Variants in DNAH17 observed in about 807,000 individuals in gnomAD.
DNAH17 encodes dynein axonemal heavy chain 17.
In DNAH17, 376 loss-of-function variants were observed where a neutral mutation model predicts 485.6. The observed-to-expected ratio is 0.77, with a 90% confidence interval of 0.71 to 0.84. The LOEUF is 0.84. Among genes scored for constraint, DNAH17 ranks in the 40% least tolerant of loss-of-function variants. The pLI is 0.00. For synonymous variants in DNAH17, 3,031 were observed against 2,405.9 expected (o/e 1.26, Z -7.60); for missense variants, 6,370 against 5,839.3 (o/e 1.09, Z -2.96).
chr17:78,493,219 G>A (rs550159820), intron 41 of DNAH17: 24 of 163,590 alleles, frequency 1.5e-4, no homozygotes, highest in Admixed American at 1.3e-3. Flanking sequence ...AGACACACAG[G>A]TGAGTTTACA....
intron 35 of DNAH17, 32 bp downstream of exon 35, chr17:78,501,152 G>A (rs750244587): frequency 6.5e-7 from 1 of 1,549,572 alleles, no homozygotes; most frequent in Non-Finnish European, 8.8e-7. Flanking sequence ...CCCACCAAGA[G>A]CACATGTGAG....
At chr17:78,515,146 T>C in intron 25 of DNAH17, 124 bp from the exon 26 acceptor site, 2 of 1,108,886 alleles carry the variant, frequency 1.8e-6, no homozygotes, top group Non-Finnish European at 2.6e-6. Flanking sequence ...TTAGAACTAA[T>C]ACCCGAGATC....
chr17:78,483,471 A>G (rs1055727643), intron 48 of DNAH17, among the ~76,000 whole-genome samples: 2 of 152,002 alleles, frequency 1.3e-5, no homozygotes, highest in African/African-American at 4.8e-5. Context: ...TTCTACTAAA[A>G]ATACAAAAAT....
At chr17:78,449,392 G>C (rs2087448785) in intron 69 of DNAH17, 22 bp downstream of exon 69, 2 of 1,539,470 alleles carry the variant, frequency 1.3e-6, no homozygotes, top group South Asian at 1.2e-5. Flanking sequence ...ACCACACTAG[G>C]AACAGTGAGG....
intron 13 of DNAH17, among the ~76,000 whole-genome samples, chr17:78,558,467 GGAT>G (rs2092076831): frequency 9.0e-6 from 1 of 111,498 alleles, no homozygotes; most frequent in African/African-American, 3.7e-5. Context: ...CCTCATGGGT[GGAT>G]GACATCACCC....
chr17:78,432,911 C>CCG (rs1555650526), intron 75 of DNAH17, among the ~76,000 whole-genome samples: 1 of 119,492 alleles, frequency 8.4e-6, no homozygotes, highest in African/African-American at 3.4e-5. Context: ...TGCCCCCCCC[C>CCG]CCCGACCCCG....
intron 36 of DNAH17, 32 bp from the exon 37 acceptor site, chr17:78,499,144 T>C: frequency 1.4e-6 from 2 of 1,476,408 alleles, no homozygotes; most frequent in South Asian, 1.3e-5. Context: ...AAGGAAGAGC[T>C]GGGAGGGTGA....
chr17:78,568,109 A>G (rs2092297474), intron 9 of DNAH17, among the ~76,000 whole-genome samples: 1 of 152,104 alleles, frequency 6.6e-6, no homozygotes, highest in East Asian at 1.9e-4. Flanking sequence ...ACAAGCTGGC[A>G]TGGCCTGTTG....
chr17:78,453,326 A>T lies in DNAH17; in HGVS notation c.10529+17T>A. On this transcript the variant is annotated intron_variant, in intron 65 of 80. Coordinates refer to ENST00000389840, the MANE Select transcript of DNAH17 (RefSeq NM_173628.4). ...GATGTTTACCTGGCTCAAGCCACGGAGGCGGAAACAACTCACTTTCCCTTT... is the reference window on the plus strand; with the variant it reads ...GATGTTTACCTGGCTCAAGCCACGGTGGCGGAAACAACTCACTTTCCCTTT... 6.2e-7 allele frequency: 1 copy of T among 1,611,786 alleles called. No homozygotes were observed. Among genetic ancestry groups the T allele is most frequent in the Non-Finnish European group, 8.5e-7 (1 of 1,178,792 alleles).
rs374712530 is a variant in DNAH17, at chr17:78,476,782, G to A, written c.7993-49C>T. ...GCACCGTCAGCTGTTACGAAGGCGA[G>A]CCCAGAGCTGGACACAGATGACCCT... On this transcript the variant is annotated intron_variant, in intron 51 of 80. Transcript: ENST00000389840. 24 of 1,581,710 alleles carry A rather than the reference G, an allele frequency of 1.5e-5. No individual in the cohort carries two copies. The East Asian group carries it at 1.6e-4, about 11-fold the overall frequency.
chr17:78,528,756 G>T (rs572018578), intron 22 of DNAH17, among the ~76,000 whole-genome samples: 4 of 151,888 alleles, frequency 2.6e-5, no homozygotes, highest in Non-Finnish European at 5.9e-5. Flanking sequence ...ACCCCTCCAC[G>T]CTGACAGCTG....
intron 74 of DNAH17, among the ~76,000 whole-genome samples, chr17:78,436,178 G>A (rs1468046098): frequency 1.3e-5 from 2 of 152,218 alleles, no homozygotes; most frequent in Non-Finnish European, 2.9e-5. Flanking sequence ...TGTAATCCCA[G>A]CTATTTGGGA....
At chr17:78,478,324 C>T (rs200524126) in intron 51 of DNAH17, among the ~76,000 whole-genome samples, 14 of 145,706 alleles carry the variant, frequency 9.6e-5, no homozygotes, top group East Asian at 8.4e-4. Flanking sequence ...ATCACCACCA[C>T]CACCATTATC....
intron 59 of DNAH17, 31 bp downstream of exon 59, chr17:78,460,130 CA>C (rs1370811307): frequency 6.3e-7 from 1 of 1,584,316 alleles, no homozygotes; most frequent in African/African-American, 1.3e-5. Context: ...CCAACCAGGC[CA>C]GGGGTCCCCT....
intron 31 of DNAH17, among the ~76,000 whole-genome samples, chr17:78,503,425 T>TC (rs2090374521): frequency 1.3e-5 from 2 of 150,406 alleles, no homozygotes; most frequent in Non-Finnish European, 3.0e-5. Flanking sequence ...GACCTCATGA[T>TC]CCGCCCACCT....
intron 44 of DNAH17, among the ~76,000 whole-genome samples, chr17:78,488,247 C>T (rs1036085041): frequency 2.0e-5 from 3 of 152,226 alleles, no homozygotes; most frequent in Non-Finnish European, 4.4e-5. Flanking sequence ...CTGGTCCATA[C>T]GGCTTCTTGC....
chr17:78,526,742 G>A lies in DNAH17; in HGVS notation c.3625-5C>T, dbSNP rs372456355. The A allele has an allele frequency of 6.5e-5, 105 of 1,603,714 alleles. No homozygotes were observed. Among genetic ancestry groups the A allele is most frequent in the Non-Finnish European group, 8.4e-5 (99 of 1,172,996 alleles). ...CCTGAACTCATGTTGCTTGAGCTGC[G>A]AGAGAAGAGTGCAAAGTACAGAGAG... On this transcript the variant is annotated splice_polypyrimidine_tract_variant and splice_region_variant and intron_variant, in intron 23 of 80. Coordinates refer to ENST00000389840, the MANE Select transcript of DNAH17 (RefSeq NM_173628.4).
At chr17:78,571,886 A>G (rs2092363829) in intron 3 of DNAH17, 104 bp from the exon 4 acceptor site, 1 of 1,140,312 alleles carries the variant, frequency 8.8e-7, no homozygotes, top group Non-Finnish European at 1.2e-6. Flanking sequence ...AACCACCAGC[A>G]GCAGCACCGT....
At chr17:78,444,418 C>G (rs1027671617) in intron 71 of DNAH17, among the ~76,000 whole-genome samples, 186 bp downstream of exon 71, 9 of 152,158 alleles carry the variant, frequency 5.9e-5, no homozygotes, top group African/African-American at 2.2e-4. Context: ...TGCCTCTGTC[C>G]TCGAAGAACT....
Sources: gnomAD v4.1 joint callset for allele counts (sites outside exome capture counted in the v4.1 genomes callset) on GRCh38, gnomAD v4.1.1 for gene constraint, MANE v1.5 for transcripts, NCBI Gene and HGNC (gene_info 2026-07-23, HGNC 2026-07-21) for gene names.